The following DAB1 variants were observed in gnomAD, a reference collection of about 807,000 sequenced individuals.
DAB1 encodes DAB adaptor protein 1.
In DAB1, 15 loss-of-function variants were observed where a neutral mutation model predicts 64.6. The ratio of observed to expected loss-of-function variants is 0.23; its 90% CI spans 0.16 to 0.36. DAB1 has a LOEUF of 0.36. Ranked by LOEUF, DAB1 falls within the 10% of genes least tolerant of loss-of-function variation. DAB1 has a pLI of 1.00. For synonymous variants in DAB1, 235 were observed against 251.9 expected, an observed-to-expected ratio of 0.93 and a Z score of 0.64; for missense variants, 596 against 706.7, an observed-to-expected ratio of 0.84 and a Z score of 1.78.
At chr1:57,570,239 C>G (rs1184476833) in intron 7 of DAB1, among the ~76,000 whole-genome samples, 1 of 152,090 alleles carries the variant, frequency 6.6e-6, no homozygotes, top group African/African-American at 2.4e-5. Context: ...GCTTCCCAGC[C>G]TACAATTTTC....
At chr1:58,267,619 T>G (rs1476419660) in intron 4 of DAB1, among the ~76,000 whole-genome samples, 1 of 152,186 alleles carries the variant, frequency 6.6e-6, no homozygotes, top group Non-Finnish European at 1.5e-5. Flanking sequence ...GGTCATCCTT[T>G]GCTAAATCTC....
chr1:58,446,369 C>G (rs535931891), intron 3 of DAB1, among the ~76,000 whole-genome samples: 1 of 152,328 alleles, frequency 6.6e-6, no homozygotes, highest in Non-Finnish European at 1.5e-5. Context: ...CTCACATCAG[C>G]ATTTCCTAAA....
chr1:57,440,366 A>G (rs1010047305), intron 7 of DAB1, among the ~76,000 whole-genome samples: 3 of 152,204 alleles, frequency 2.0e-5, no homozygotes, highest in Admixed American at 1.3e-4. Flanking sequence ...GATTCAGCCA[A>G]TGTGGTCCTA....
intron 3 of DAB1, among the ~76,000 whole-genome samples, chr1:58,478,542 A>G (rs568522782): frequency 6.6e-6 from 1 of 152,162 alleles, no homozygotes; most frequent in Non-Finnish European, 1.5e-5. Context: ...TGAGGGTTAG[A>G]GAGTTTGCAT....
At chr1:58,466,546 T>C (rs1645297557) in intron 3 of DAB1, among the ~76,000 whole-genome samples, 1 of 152,152 alleles carries the variant, frequency 6.6e-6, no homozygotes, top group Non-Finnish European at 1.5e-5. Context: ...ATGAATGGGA[T>C]ACTCGGGAAG....
At chr1:57,899,576 C>T (rs1190272769) in intron 5 of DAB1, among the ~76,000 whole-genome samples, 1 of 152,100 alleles carries the variant, frequency 6.6e-6, no homozygotes, top group African/African-American at 2.4e-5. Context: ...CTACACCCTA[C>T]CCTGAGACCG....
chr1:57,439,636 C>A (rs751204701), intron 7 of DAB1, among the ~76,000 whole-genome samples: 3 of 136,420 alleles, frequency 2.2e-5, no homozygotes, highest in Non-Finnish European at 4.6e-5. Context: ...ACCATGTTAG[C>A]CAGGATGGTC....
intron 6 of DAB1, among the ~76,000 whole-genome samples, chr1:57,789,689 G>A (rs1245867190): frequency 6.6e-6 from 1 of 152,100 alleles, no homozygotes; most frequent in Non-Finnish European, 1.5e-5. Flanking sequence ...ATCACAACTG[G>A]GGCTTACAGT....
chr1:57,930,147 A>G (rs1013890696), intron 5 of DAB1, among the ~76,000 whole-genome samples: 1 of 152,204 alleles, frequency 6.6e-6, no homozygotes, highest in Non-Finnish European at 1.5e-5. Flanking sequence ...TGTGTCAAAA[A>G]GACTATCTTT....
chr1:58,364,707 T>A (rs775288999), intron 3 of DAB1, among the ~76,000 whole-genome samples: 56 of 152,218 alleles, frequency 3.7e-4, no homozygotes, highest in Admixed American at 9.8e-4. Flanking sequence ...GTGTCTGTAT[T>A]TATATACATG....
intron 4 of DAB1, among the ~76,000 whole-genome samples, chr1:58,269,578 G>C (rs1242302083): frequency 1.0e-5 from 1 of 98,456 alleles, no homozygotes. Flanking sequence ...TCTAGTTCTA[G>C]ATCCCTGAGG....
intron 1 of DAB1, among the ~76,000 whole-genome samples, chr1:57,831,537 C>CT (rs5774372): frequency 0.02 from 2,299 of 112,224 alleles, 37 homozygotes; most frequent in East Asian, 0.035. Context: ...ATTTTCTTCT[C>CT]TTTTTTTTTT....
intron 6 of DAB1, among the ~76,000 whole-genome samples, chr1:57,670,709 C>A (rs897948470): frequency 6.6e-6 from 1 of 152,070 alleles, no homozygotes; most frequent in Non-Finnish European, 1.5e-5. Context: ...CCAGTGAATA[C>A]AAGGAAGAAT....
chr1:58,495,076 A>G (rs1296275229), intron 3 of DAB1, among the ~76,000 whole-genome samples: 26 of 152,226 alleles, frequency 1.7e-4, no homozygotes, highest in South Asian at 8.3e-4. Flanking sequence ...ACAGCATGGA[A>G]TACTATGCAG....
At chr1:57,150,335 A>G (rs1659539931) in intron 2 of DAB1, among the ~76,000 whole-genome samples, 1 of 152,198 alleles carries the variant, frequency 6.6e-6, no homozygotes, top group African/African-American at 2.4e-5. Flanking sequence ...TTTTGTACTG[A>G]CACTGTTGTT....
intron 1 of DAB1, chr1:57,875,269 T>G (rs776035038): frequency 3.9e-5 from 6 of 152,270 alleles, no homozygotes; most frequent in East Asian, 1.9e-4. Flanking sequence ...GAGCCCTACC[T>G]CCTGTCTCCC....
chr1:56,998,983 A>G lies in DAB1; in HGVS notation c.*16-855T>C, dbSNP rs77643540. Among the ~76,000 whole-genome samples the G allele has an allele frequency of 3.2e-4, 49 of 152,334 alleles. No homozygotes were observed. In the East Asian group the frequency reaches 8.1e-3, roughly 25 times the overall value. ...GGATACTGTGGTTTTAAGCATGCAC[A>G]GGACCTTCTGTTAAAATTGACCTTT... On this transcript the variant is annotated intron_variant, in intron 14 of 14. Transcript: ENST00000371236.
intron 7 of DAB1, among the ~76,000 whole-genome samples, chr1:57,609,577 T>C (rs1258659296): frequency 6.6e-6 from 1 of 152,208 alleles, no homozygotes; most frequent in Non-Finnish European, 1.5e-5. Context: ...CTTCATGCAT[T>C]TTCCTTTACT....
chr1:57,778,272 C>G (rs1295946740), intron 6 of DAB1, among the ~76,000 whole-genome samples: 1 of 151,812 alleles, frequency 6.6e-6, no homozygotes, highest in African/African-American at 2.4e-5. Flanking sequence ...GTCTGTACAC[C>G]AATTTCTTCT....
Sources: gnomAD v4.1 joint callset for allele counts (sites outside exome capture counted in the v4.1 genomes callset) on GRCh38, gnomAD v4.1.1 for gene constraint, MANE v1.5 for transcripts, NCBI Gene and HGNC (gene_info 2026-07-23, HGNC 2026-07-21) for gene names.